Variants in PPP4R3B observed in about 807,000 individuals in gnomAD.
The protein encoded by PPP4R3B is protein phosphatase 4 regulatory subunit 3B, also known as serine/threonine-protein phosphatase 4 regulatory subunit 3B.
In PPP4R3B, 52 loss-of-function variants were observed where a neutral mutation model predicts 95.4. That is an observed-to-expected ratio of 0.54 (90% CI 0.44 to 0.69). PPP4R3B has a LOEUF of 0.69. Ranked by LOEUF, PPP4R3B falls within the 30% of genes least tolerant of loss-of-function variation. The pLI is 0.00. For missense variants in PPP4R3B, 1,003 were observed against 1,005.9 expected (o/e 1.00, Z 0.04); for synonymous variants, 407 against 343.9 (o/e 1.18, Z -2.03).
intron 15 of PPP4R3B, among the ~76,000 whole-genome samples, chr2:55,563,812 CAAGTT>C (rs1403273151): frequency 6.6e-6 from 1 of 152,164 alleles, no homozygotes; most frequent in African/African-American, 2.4e-5. Flanking sequence ...TTTTATAAAA[CAAGTT>C]AAGCACATCT....
At chr2:55,600,388 T>C (rs1314297368) in intron 3 of PPP4R3B, among the ~76,000 whole-genome samples, 2 of 116,974 alleles carry the variant, frequency 1.7e-5, no homozygotes, top group Non-Finnish European at 3.2e-5. Context: ...ATCACACCAC[T>C]GCACTCTTGC....
At chr2:55,599,658 T>C (rs1692279429) in intron 3 of PPP4R3B, among the ~76,000 whole-genome samples, 1 of 152,162 alleles carries the variant, frequency 6.6e-6, no homozygotes, top group Non-Finnish European at 1.5e-5. Flanking sequence ...GCCAATGAAC[T>C]CTGCTGTATG....
chr2:55,559,333 C>T (rs182806883), intron 15 of PPP4R3B, among the ~76,000 whole-genome samples: 6 of 151,698 alleles, frequency 4.0e-5, no homozygotes, highest in East Asian at 3.9e-4. Flanking sequence ...GCAACAAGAG[C>T]GAAACTCCGT....
intron 3 of PPP4R3B, among the ~76,000 whole-genome samples, chr2:55,600,471 G>C (rs1692411216): frequency 6.9e-6 from 1 of 145,750 alleles, no homozygotes; most frequent in South Asian, 2.2e-4. Flanking sequence ...GGCAGGGGTG[G>C]TTAAGAAATA....
At position 55,615,442 on chromosome 2, in the gene PPP4R3B, A is replaced by G. The variant is rs774836590; in HGVS notation, c.198+9T>C. The G allele has an allele frequency of 1.3e-6, 2 of 1,578,918 alleles. No homozygotes were observed. Among genetic ancestry groups the G allele is most frequent in the Non-Finnish European group, 1.7e-6 (2 of 1,156,650 alleles). ...AAGTCTTTCAAATTAAAGATAAACA[A>G]CTACTTGCCTGTTGTTTCTGATATG... On this transcript the variant is annotated intron_variant, in intron 2 of 16. Transcript: ENST00000616407.
chr2:55,571,266 T>C (rs913545233), intron 12 of PPP4R3B, among the ~76,000 whole-genome samples: 37 of 151,756 alleles, frequency 2.4e-4, no homozygotes, highest in African/African-American at 8.5e-4. Context: ...GCTGAGACTG[T>C]GCCACTACAC....
At chr2:55,584,955 A>C (rs139269791) in intron 7 of PPP4R3B, 96 bp downstream of exon 7, 6 of 959,892 alleles carry the variant, frequency 6.3e-6, no homozygotes, top group Admixed American at 2.7e-5. Flanking sequence ...TGCTCCCAAG[A>C]AAGATTAAGA....
intron 10 of PPP4R3B, among the ~76,000 whole-genome samples, chr2:55,578,034 TAAG>T (rs1265141068): frequency 3.3e-5 from 5 of 152,168 alleles, no homozygotes; most frequent in Admixed American, 2.6e-4. Context: ...TAAAAATAAA[TAAG>T]AACTCTATTT....
Position 55,605,441 on chromosome 2 carries a change from G to T in PPP4R3B, c.199-1365C>A, listed in dbSNP as rs530149294. 1.3e-4 allele frequency among the ~76,000 whole-genome samples: 20 copies of T among 152,222 alleles called. 1 individual carries two copies. In the South Asian group the frequency reaches 4.1e-3, roughly 32 times the overall value. ...TACTTTTTGGCTTTAAACAGTAAAT[G>T]AAAAATATTATTTAATTAATCCAGG... is the stretch of plus-strand genomic sequence containing the variant. On this transcript the variant is annotated intron_variant, in intron 2 of 16. Coordinates refer to ENST00000616407, the MANE Select transcript of PPP4R3B (RefSeq NM_001122964.3).
chr2:55,557,066 A>AATG lies in PPP4R3B; in HGVS notation c.2454+1708_2454+1709insCAT, dbSNP rs148610051. ...TGACAGAGTGAGACTCTGTAACAACAACGACGACGACGACGACGAAGCAGG... is the reference window on the plus strand; with the variant it reads ...TGACAGAGTGAGACTCTGTAACAACAATGACGACGACGACGACGACGAAGCAGG... On this transcript the variant is annotated intron_variant, in intron 16 of 16. Coordinates refer to ENST00000616407, the MANE Select transcript of PPP4R3B (RefSeq NM_001122964.3). Among the ~76,000 whole-genome samples the AATG allele has an allele frequency of 5.9e-3, 888 of 151,572 alleles. 7 individuals are homozygous for AATG. Among genetic ancestry groups the AATG allele is most frequent in the Non-Finnish European group, 9.3e-3 (635 of 67,924 alleles).
intron 3 of PPP4R3B, among the ~76,000 whole-genome samples, chr2:55,600,720 C>A (rs961509419): frequency 6.6e-6 from 1 of 150,660 alleles, no homozygotes; most frequent in Non-Finnish European, 1.5e-5. Context: ...ATATCCCTTC[C>A]AAAGGTGGAA....
intron 3 of PPP4R3B, among the ~76,000 whole-genome samples, chr2:55,600,899 C>T (rs1003484457): frequency 1.3e-5 from 2 of 152,134 alleles, no homozygotes; most frequent in Non-Finnish European, 2.9e-5. Flanking sequence ...TGGCTCATGC[C>T]TGTAATCCCA....
rs1368113611 is a variant in PPP4R3B, at chr2:55,548,713, T to C, written c.*1198A>G. The C allele has an allele frequency of 6.6e-6, 1 of 152,614 alleles. No individual in the cohort carries two copies. The highest frequency in any genetic ancestry group is 2.4e-5 in the African/African-American group (1 of 41,450). The allele number at this position is 152,614 out of a possible 1,614,324, so 9.5% of individuals were successfully genotyped here. ...GTTTTTTTTTCCCAATGCATTAAAT[T>C]GTATTTTGGGGAGATTTTTCTCACT... On this transcript the variant is annotated 3_prime_UTR_variant, in exon 17 of 17. Coordinates refer to ENST00000616407, the MANE Select transcript of PPP4R3B (RefSeq NM_001122964.3).
intron 3 of PPP4R3B, among the ~76,000 whole-genome samples, chr2:55,600,426 C>CA (rs60764774): frequency 0.074 from 1,634 of 22,128 alleles, 615 homozygotes; most frequent in African/African-American, 0.21. Context: ...AACTCTGTCT[C>CA]AAAAAAAAAA....
intron 6 of PPP4R3B, among the ~76,000 whole-genome samples, chr2:55,586,210 A>G (rs1255146538): frequency 6.6e-6 from 1 of 152,134 alleles, no homozygotes; most frequent in Admixed American, 6.5e-5. Context: ...ATTTGTTTTA[A>G]TTTTCCATAA....
intron 7 of PPP4R3B, among the ~76,000 whole-genome samples, chr2:55,584,595 A>G (rs1393318790): frequency 6.6e-6 from 1 of 152,162 alleles, no homozygotes; most frequent in Admixed American, 6.5e-5. Flanking sequence ...AGAACATACG[A>G]TGTTTGGTTT....
At chr2:55,611,474 T>C (rs955958886) in intron 2 of PPP4R3B, among the ~76,000 whole-genome samples, 4 of 152,224 alleles carry the variant, frequency 2.6e-5, no homozygotes, top group Admixed American at 2.6e-4. Flanking sequence ...TTAAGTTTAT[T>C]GGGTAAGTAC....
intron 15 of PPP4R3B, among the ~76,000 whole-genome samples, chr2:55,561,871 C>G (rs969178986): frequency 6.6e-6 from 1 of 152,118 alleles, no homozygotes; most frequent in East Asian, 1.9e-4. Flanking sequence ...AGACTTTGGA[C>G]TTGGACTTTT....
intron 6 of PPP4R3B, 144 bp from the exon 7 acceptor site, chr2:55,585,311 G>GT (rs1689995785): frequency 2.0e-6 from 1 of 503,032 alleles, no homozygotes; most frequent in African/African-American, 2.0e-5. Context: ...AACCTTGCCA[G>GT]TATGTTCTTC....
Sources: allele counts gnomAD v4.1 joint callset (sites outside exome capture counted in the v4.1 genomes callset), GRCh38; gene constraint gnomAD v4.1.1; transcripts MANE v1.5; gene names NCBI Gene and HGNC (gene_info 2026-07-23, HGNC 2026-07-21).